The following DNAH5 variants were observed in gnomAD, a reference collection of about 807,000 sequenced individuals.
DNAH5 encodes the protein axonemal beta dynein heavy chain 5.
In DNAH5, 372 loss-of-function variants were observed where a neutral mutation model predicts 518.2. The observed-to-expected ratio is 0.72, with a 90% CI of 0.66 to 0.78. DNAH5 has a LOEUF of 0.78. DNAH5 is among the 30% of genes least tolerant of loss of function. DNAH5 has a pLI of 0.00. For missense variants in DNAH5, 5,523 were observed against 5,687.0 expected, an observed-to-expected ratio of 0.97 and a Z score of 0.93; for synonymous variants, 2,039 against 2,025.9, an observed-to-expected ratio of 1.01 and a Z score of -0.17.
chr5:13,948,731 T>C (rs1408534508), upstream of DNAH5, among the ~76,000 whole-genome samples: 1 of 152,162 alleles, frequency 6.6e-6, no homozygotes, highest in Non-Finnish European at 1.5e-5. Context: ...GTCACTGAAT[T>C]AATGAAAGTC....
In DNAH5 at chr5:13,819,503, C is replaced by T. The variant is rs114983997; in HGVS notation, c.6841+843G>A. The stretch of plus-strand genomic sequence containing the variant: ...CATCAGTAGCAGTGCACTGAGGTTC[C>T]GGGAACTGCCTGAAAGCCCACCCAG... On this transcript the variant is annotated intron_variant, in intron 41 of 78. Transcript: ENST00000265104. 3.2e-3 allele frequency among the ~76,000 whole-genome samples: 490 copies of T among 152,148 alleles called. 1 individual carries two copies. Among genetic ancestry groups the T allele is most frequent in the African/African-American group, 0.011 (453 of 41,524 alleles).
At chr5:13,718,836 T>G in intron 72 of DNAH5, 46 bp downstream of exon 72, 1 of 1,500,922 alleles carries the variant, frequency 6.7e-7, no homozygotes, top group East Asian at 2.3e-5. Context: ...GGAAAACAAT[T>G]TAAGTAAGGA....
chr5:13,903,074 A>C (rs1774867198), intron 12 of DNAH5, among the ~76,000 whole-genome samples: 1 of 152,224 alleles, frequency 6.6e-6, no homozygotes, highest in African/African-American at 2.4e-5. Context: ...CTATGAAATA[A>C]GTATATTTAA....
chr5:13,817,416 AC>A, intron 42 of DNAH5, 131 bp downstream of exon 42: 5 of 850,070 alleles, frequency 5.9e-6, no homozygotes, highest in Non-Finnish European at 9.2e-6. Context: ...CAAATATCAC[AC>A]TGATTTATGA....
In DNAH5 at chr5:14,010,922, A is replaced by G. The variant is rs77524320; in HGVS notation, c.12+726T>C. Among the ~76,000 whole-genome samples the G allele has an allele frequency of 4.3e-4, 66 of 152,178 alleles. No individual in the cohort carries two copies. In the East Asian group the frequency reaches 6.8e-3, roughly 16 times the overall value. On this transcript the variant is annotated intron_variant, in intron 1 of 78. Coordinates refer to the DNAH5 transcript ENST00000681290. The stretch of plus-strand genomic sequence containing the variant: ...TATAGTGTACCTGATGAAAATATAT[A>G]TGAATGCAATCGTCCTTGAAAATAA...
At chr5:13,828,322 T>G (rs1474721921) in intron 38 of DNAH5, among the ~76,000 whole-genome samples, 1 of 152,248 alleles carries the variant, frequency 6.6e-6, no homozygotes, top group African/African-American at 2.4e-5. Context: ...GAACAAAGAT[T>G]ATATATGTTA....
At chr5:13,995,526 A>G (rs903408720) in intron 1 of DNAH5, among the ~76,000 whole-genome samples, 6 of 152,212 alleles carry the variant, frequency 3.9e-5, no homozygotes, top group African/African-American at 1.4e-4. Context: ...GAATTAGAAA[A>G]TTATGAACAC....
intron 51 of DNAH5, among the ~76,000 whole-genome samples, chr5:13,788,378 C>T (rs796241269): frequency 6.6e-5 from 10 of 152,094 alleles, no homozygotes; most frequent in African/African-American, 1.9e-4. Context: ...AAGAGAGTGC[C>T]GAGATGCCCA....
Position 13,735,872 on chromosome 5 carries a change from A to G in DNAH5, c.11516T>C (p.Met3839Thr). The G allele has an allele frequency of 6.2e-7, 1 of 1,614,200 alleles. No individual in the cohort carries two copies. The highest frequency in any genetic ancestry group is 8.5e-7 in the Non-Finnish European group (1 of 1,180,010). Reference sequence around the variant, plus strand: ...AAACTGGCGAAGCGAAGTCTGATACATCTCATTAACCAAGCGCATCTCAGT... The same window carrying G: ...AAACTGGCGAAGCGAAGTCTGATACGTCTCATTAACCAAGCGCATCTCAGT... ...LITEMRLVNE[M>T]YQTSLRQFLG... The change falls in exon 67 of 79, where the codon ATG becomes ACG. Residue 3839 changes from methionine to threonine, a missense_variant. By Grantham distance (81) the Met-to-Thr change is moderately conservative. Coordinates refer to ENST00000265104, the MANE Select transcript of DNAH5 (RefSeq NM_001369.3).
intron 40 of DNAH5, among the ~76,000 whole-genome samples, chr5:13,822,872 C>A (rs1762410334): frequency 6.6e-6 from 1 of 152,068 alleles, no homozygotes; most frequent in Non-Finnish European, 1.5e-5. Flanking sequence ...GAGATCACTG[C>A]AAATAACACG....
At chr5:13,768,859 A>G in intron 58 of DNAH5, 101 bp downstream of exon 58, 1 of 1,329,206 alleles carries the variant, frequency 7.5e-7, no homozygotes, top group South Asian at 1.2e-5. Flanking sequence ...TAGAGCTTTC[A>G]TCTGAACCAG....
At chr5:14,001,834 G>C (rs1019133663) in intron 1 of DNAH5, among the ~76,000 whole-genome samples, 17 of 152,020 alleles carry the variant, frequency 1.1e-4, no homozygotes, top group Non-Finnish European at 2.2e-4. Flanking sequence ...GCCCATTAGA[G>C]AGCTCATGCA....
rs544371605 is a variant in DNAH5 at position 13,813,487 on chromosome 5, C to T, written c.7230+1118G>A. Among the ~76,000 whole-genome samples the T allele has an allele frequency of 1.1e-3, 162 of 147,174 alleles. 1 individual carries two copies. Among genetic ancestry groups the T allele is most frequent in the African/African-American group, 3.7e-3 (149 of 40,150 alleles). On this transcript the variant is annotated intron_variant, in intron 43 of 78. Coordinates refer to ENST00000265104, the MANE Select transcript of DNAH5 (RefSeq NM_001369.3). ...AAAAAAAAAAAACAATCCTGAGTTG[C>T]CTCCCAGAGATTCTAATTTGGTAAG...
At chr5:14,003,547 C>T (rs1314318732) in intron 1 of DNAH5, among the ~76,000 whole-genome samples, 1 of 152,210 alleles carries the variant, frequency 6.6e-6, no homozygotes, top group East Asian at 1.9e-4. Context: ...ACTTCTGAGG[C>T]AGACAGTGGT....
intron 19 of DNAH5, among the ~76,000 whole-genome samples, chr5:13,884,611 C>T (rs1240945926): frequency 2.0e-5 from 3 of 152,286 alleles, no homozygotes; most frequent in South Asian, 4.1e-4. Context: ...CCGGGGCGGG[C>T]GGATCACCTG....
chr5:13,815,988 T>G (rs1761395274), intron 42 of DNAH5, among the ~76,000 whole-genome samples: 1 of 152,178 alleles, frequency 6.6e-6, no homozygotes, highest in Non-Finnish European at 1.5e-5. Context: ...TTGCTCCCCT[T>G]TCTTCCAGAC....
intron 71 of DNAH5, 33 bp downstream of exon 71, chr5:13,720,967 A>G (rs765672058): frequency 1.2e-6 from 2 of 1,614,038 alleles, no homozygotes; most frequent in Non-Finnish European, 8.5e-7. Flanking sequence ...TAATATGAAC[A>G]GCATGGCACA....
rs779140703 is a variant in DNAH5, at chr5:13,788,903, C to T, written c.8460G>A (p.Lys2820=). 3.1e-6 allele frequency: 5 copies of T among 1,614,032 alleles called. No individual in the cohort carries two copies. Among genetic ancestry groups the T allele is most frequent in the Non-Finnish European group, 4.2e-6 (5 of 1,179,962 alleles). Residue 2820 remains lysine (K), a synonymous_variant, in exon 51 of 79, where the codon AAG becomes AAA. Transcript: ENST00000265104. ...CACGTTTACACTCATGCTTCCACAG[C>T]TTTAACAGATCCTGTTGAAAGTATA... ...EVIKEPNDLL[K]LWKHECKRVI...
At chr5:13,947,749 G>A (rs1581013435), upstream of DNAH5, among the ~76,000 whole-genome samples, 1 of 152,242 alleles carries the variant, frequency 6.6e-6, no homozygotes, top group South Asian at 2.1e-4. Flanking sequence ...TCTTACTGAG[G>A]CCCAACAGGA....
Sources: gnomAD v4.1 joint callset for allele counts (sites outside exome capture counted in the v4.1 genomes callset) on GRCh38, gnomAD v4.1.1 for gene constraint, MANE v1.5 for transcripts, NCBI Gene and HGNC (gene_info 2026-07-23, HGNC 2026-07-21) for gene names.